The following FHOD3 variants were observed in gnomAD, a reference collection of about 807,000 sequenced individuals.
FHOD3 encodes the protein FH1/FH2 domain-containing protein 3.
FHOD3 carries 90 observed loss-of-function variants against 173.0 expected under a neutral mutation model. The observed-to-expected ratio is 0.52, with a 90% CI of 0.44 to 0.62. The LOEUF is 0.62. Ranked by LOEUF, FHOD3 falls within the 20% of genes least tolerant of loss-of-function variation. FHOD3 has a pLI of 0.00. For missense variants in FHOD3, 1,945 were observed against 2,034.7 expected (o/e 0.96, Z 0.85); for synonymous variants, 828 against 823.0 (o/e 1.01, Z -0.10).
chr18:36,567,860 C>T (rs1007506203), intron 5 of FHOD3, among the ~76,000 whole-genome samples: 1 of 152,094 alleles, frequency 6.6e-6, no homozygotes, highest in African/African-American at 2.4e-5. Flanking sequence ...ACAGCAGGGG[C>T]ATATGGGCAC....
chr18:36,577,533 TCAAATGA>T (rs1254471761), intron 6 of FHOD3, among the ~76,000 whole-genome samples: 1 of 152,208 alleles, frequency 6.6e-6, no homozygotes, highest in Non-Finnish European at 1.5e-5. Flanking sequence ...ACTCCTGGCC[TCAAATGA>T]TCCACCTGCC....
chr18:36,504,477 T>A (rs2055195216), intron 4 of FHOD3, among the ~76,000 whole-genome samples: 1 of 151,602 alleles, frequency 6.6e-6, no homozygotes, highest in African/African-American at 2.4e-5. Flanking sequence ...TCATTCTCAG[T>A]AAACTATCGC....
intron 18 of FHOD3, chr18:36,711,162 G>A (rs2040150414): frequency 6.6e-6 from 1 of 152,202 alleles, no homozygotes; most frequent in Non-Finnish European, 1.5e-5. Flanking sequence ...AGTTGGTCAT[G>A]TTTATTTACT....
chr18:36,560,826 G>GTTTTTTTT (rs34653505), intron 5 of FHOD3, among the ~76,000 whole-genome samples: 2 of 134,576 alleles, frequency 1.5e-5, no homozygotes, highest in Non-Finnish European at 3.2e-5. Flanking sequence ...AAGAGCAGCT[G>GTTTTTTTT]TTTTTTTTTT....
intron 24 of FHOD3, among the ~76,000 whole-genome samples, chr18:36,751,722 A>T (rs2042410578): frequency 6.6e-6 from 1 of 152,140 alleles, no homozygotes; most frequent in South Asian, 2.1e-4. Context: ...TTCTGTGTCT[A>T]TTGAGATAAT....
At chr18:36,597,628 G>A (rs566778341) in intron 7 of FHOD3, among the ~76,000 whole-genome samples, 11 of 152,148 alleles carry the variant, frequency 7.2e-5, no homozygotes, top group South Asian at 4.2e-4. Context: ...GGCTTTCACC[G>A]TTTTAGCCAG....
chr18:36,563,072 A>C (rs2058145752), intron 5 of FHOD3, among the ~76,000 whole-genome samples: 1 of 152,192 alleles, frequency 6.6e-6, no homozygotes. Context: ...CTAGACACAG[A>C]GTCTTCATGG....
At chr18:36,465,793 T>C (rs914184168) in intron 3 of FHOD3, among the ~76,000 whole-genome samples, 5 of 152,154 alleles carry the variant, frequency 3.3e-5, no homozygotes, top group African/African-American at 1.2e-4. Context: ...CAATTTGTAC[T>C]GCTTGCCATG....
chr18:36,627,370 A>G (rs1162386827), intron 10 of FHOD3, among the ~76,000 whole-genome samples: 2 of 152,000 alleles, frequency 1.3e-5, no homozygotes, highest in Non-Finnish European at 2.9e-5. Flanking sequence ...TCTTGCTGTT[A>G]CACTTTTCGA....
chr18:36,594,681 A>G, intron 6 of FHOD3, 106 bp from the exon 7 acceptor site: 1 of 670,080 alleles, frequency 1.5e-6, no homozygotes, highest in South Asian at 1.9e-5. Flanking sequence ...AATTGCTGAG[A>G]GCGTCTCATC....
chr18:36,718,268 C>T lies in FHOD3; in HGVS notation c.2970C>T (p.Leu990=). The T allele has an allele frequency of 6.2e-7, 1 of 1,614,154 alleles. No homozygotes were observed. ...WDQLMANPRE[L]RIQDMDFTDL... ...AGCTCATGGCCAATCCAAGAGAGCT[C>T]AGAATCCAAGACATGGATTTCACTG... Residue 990 remains leucine, a synonymous_variant, in exon 19 of 29, where the codon CTC becomes CTT. Transcript: ENST00000590592.
intron 3 of FHOD3, among the ~76,000 whole-genome samples, chr18:36,439,980 T>A (rs542330574): frequency 6.6e-6 from 1 of 152,128 alleles, no homozygotes; most frequent in South Asian, 2.1e-4. Context: ...TTTCTAGAAA[T>A]GCCCTCACAG....
chr18:36,446,072 C>G lies in FHOD3; in HGVS notation c.338-55860C>G, dbSNP rs536697470. Among the ~76,000 whole-genome samples the G allele has an allele frequency of 6.8e-4, 103 of 152,296 alleles. 1 individual carries two copies. The highest frequency in any genetic ancestry group is 2.4e-3 in the African/African-American group (101 of 41,560). ...TGGAGACAGGAACTTGTTGCCAGGA[C>G]AGCAGATAGAAAAGGATTTAAGGTC... is the stretch of plus-strand genomic sequence containing the variant. On this transcript the variant is annotated intron_variant, in intron 3 of 28. Transcript: ENST00000590592.
intron 3 of FHOD3, among the ~76,000 whole-genome samples, chr18:36,462,252 G>A (rs926034529): frequency 1.3e-5 from 2 of 152,044 alleles, no homozygotes; most frequent in Non-Finnish European, 2.9e-5. Flanking sequence ...TTGAATGCAA[G>A]TAGCTTTCCC....
chr18:36,417,999 T>C (rs953798776), intron 3 of FHOD3, among the ~76,000 whole-genome samples: 1 of 152,214 alleles, frequency 6.6e-6, no homozygotes, highest in African/African-American at 2.4e-5. Context: ...AATGTTACTT[T>C]TAATAAAAAG....
chr18:36,476,377 G>A (rs1371579874), intron 3 of FHOD3, among the ~76,000 whole-genome samples: 1 of 152,208 alleles, frequency 6.6e-6, no homozygotes, highest in Non-Finnish European at 1.5e-5. Flanking sequence ...ACATCCCTTG[G>A]CTACAGGGTT....
intron 10 of FHOD3, among the ~76,000 whole-genome samples, chr18:36,637,409 G>A (rs1291373895): frequency 6.6e-6 from 1 of 152,044 alleles, no homozygotes; most frequent in Non-Finnish European, 1.5e-5. Context: ...GTTCATGTGA[G>A]CACATCCAGC....
chr18:36,494,576 A>G (rs546323463), intron 3 of FHOD3, among the ~76,000 whole-genome samples: 1 of 152,314 alleles, frequency 6.6e-6, no homozygotes, highest in Admixed American at 6.5e-5. Flanking sequence ...GGCCAAGTGC[A>G]AGCTGTACTT....
intron 5 of FHOD3, among the ~76,000 whole-genome samples, chr18:36,546,522 T>C (rs180838816): frequency 1.3e-3 from 204 of 152,324 alleles, no homozygotes; most frequent in African/African-American, 4.7e-3. Flanking sequence ...TCTTTTGTTT[T>C]CTTCAGAGAC....
Sources: gnomAD v4.1 joint callset for allele counts (sites outside exome capture counted in the v4.1 genomes callset) on GRCh38, gnomAD v4.1.1 for gene constraint, MANE v1.5 for transcripts, NCBI Gene and HGNC (gene_info 2026-07-23, HGNC 2026-07-21) for gene names.